CAMKMT: variants seen among roughly 807,000 people sequenced by gnomAD.
CAMKMT encodes the protein CaM KMT.
In CAMKMT, 53 loss-of-function variants were observed where a neutral mutation model predicts 48.0. The ratio of observed to expected loss-of-function variants is 1.10; its 90% CI spans 0.89 to 1.39. CAMKMT has a LOEUF of 1.39. Among genes scored for constraint, CAMKMT ranks in the 40% most tolerant of loss-of-function variants. CAMKMT has a pLI of 0.00. For missense variants in CAMKMT, 428 were observed against 402.7 expected, an observed-to-expected ratio of 1.06 and a Z score of -0.54; for synonymous variants, 165 against 152.3, an observed-to-expected ratio of 1.08 and a Z score of -0.61.
intron 3 of CAMKMT, among the ~76,000 whole-genome samples, chr2:44,552,380 T>C (rs1300529571): frequency 2.6e-5 from 4 of 152,118 alleles, no homozygotes; most frequent in Non-Finnish European, 5.9e-5. Flanking sequence ...AACCAATTCA[T>C]TTACCTATCT....
chr2:44,714,548 C>T (rs1179598832), intron 6 of CAMKMT, among the ~76,000 whole-genome samples: 1 of 152,176 alleles, frequency 6.6e-6, no homozygotes, highest in Admixed American at 6.5e-5. Context: ...TCATCTTTTT[C>T]TTCTCACTTC....
At chr2:44,604,616 C>T (rs1671183833) in intron 3 of CAMKMT, among the ~76,000 whole-genome samples, 1 of 148,444 alleles carries the variant, frequency 6.7e-6, no homozygotes, top group Non-Finnish European at 1.5e-5. Flanking sequence ...ACCCTAAATA[C>T]ACATAGTAAA....
At chr2:44,454,471 C>T (rs1288974249) in intron 3 of CAMKMT, among the ~76,000 whole-genome samples, 1 of 152,042 alleles carries the variant, frequency 6.6e-6, no homozygotes, top group Non-Finnish European at 1.5e-5. Flanking sequence ...AGAAATCCCC[C>T]TCTAAATGCA....
At chr2:44,535,565 G>C (rs1450267461) in intron 3 of CAMKMT, among the ~76,000 whole-genome samples, 7 of 152,108 alleles carry the variant, frequency 4.6e-5, no homozygotes, top group Admixed American at 3.3e-4. Context: ...TTAAAACAGG[G>C]ATGCAAAGAT....
intron 3 of CAMKMT, among the ~76,000 whole-genome samples, chr2:44,659,075 G>GTTTTTTTT (rs1192483405): frequency 1.2e-5 from 1 of 86,346 alleles, no homozygotes; most frequent in Non-Finnish European, 2.3e-5. Context: ...TGTGTGTGTA[G>GTTTTTTTT]TTTTTTTTTT....
intron 9 of CAMKMT, among the ~76,000 whole-genome samples, chr2:44,765,440 T>C (rs1680797040): frequency 1.3e-5 from 2 of 152,012 alleles, no homozygotes; most frequent in Non-Finnish European, 2.9e-5. Flanking sequence ...TATATTTTCA[T>C]GATTCCCTCA....
intron 8 of CAMKMT, among the ~76,000 whole-genome samples, chr2:44,751,272 G>A (rs765100976): frequency 4.6e-5 from 7 of 152,108 alleles, no homozygotes; most frequent in East Asian, 1.9e-4. Context: ...GCTCTCTTCC[G>A]TACATTATTT....
At chr2:44,548,317 C>T (rs969337882) in intron 3 of CAMKMT, among the ~76,000 whole-genome samples, 7 of 152,112 alleles carry the variant, frequency 4.6e-5, no homozygotes, top group African/African-American at 1.2e-4. Context: ...GCCTTAAAAG[C>T]TCTGGCATTG....
rs56212783 is a variant in CAMKMT at position 44,577,680 on chromosome 2, A to AGAGAGGGAGAGGGAGAGGGAGACG, written c.377-126587_377-126586insGGGAGACGGAGAGGGAGAGGGAGA. ...GAGAGAGGGAGAGGGAGAGGGAGAC[A>AGAGAGGGAGAGGGAGAGGGAGACG]GAGAGGGAGAGGGAGACGGAGAGGG... On this transcript the variant is annotated intron_variant, in intron 3 of 10. Transcript: ENST00000378494. Among the ~76,000 whole-genome samples, 4 of 148,658 alleles carry AGAGAGGGAGAGGGAGAGGGAGACG rather than the reference A, an allele frequency of 2.7e-5. 1 individual carries two copies. The highest frequency in any genetic ancestry group is 1.3e-4 in the Admixed American group (2 of 14,956).
At chr2:44,417,465 A>G (rs1007206807) in intron 3 of CAMKMT, among the ~76,000 whole-genome samples, 13 of 152,224 alleles carry the variant, frequency 8.5e-5, no homozygotes, top group Admixed American at 8.5e-4. Flanking sequence ...ATTGATAGAC[A>G]TTCAGGTTGT....
intron 3 of CAMKMT, among the ~76,000 whole-genome samples, chr2:44,587,566 A>C (rs1669933393): frequency 7.3e-6 from 1 of 137,600 alleles, no homozygotes; most frequent in Non-Finnish European, 1.6e-5. Context: ...GGCTCACTGC[A>C]ACCTCCCTGC....
At chr2:44,593,520 A>G (rs72882924) in intron 3 of CAMKMT, among the ~76,000 whole-genome samples, 3,006 of 152,238 alleles carry the variant, frequency 0.02, 82 homozygotes, top group African/African-American at 0.063. Flanking sequence ...CCCTGTCCCA[A>G]TGCCACAGCC....
At chr2:44,403,982 T>C (rs138064564) in intron 3 of CAMKMT, among the ~76,000 whole-genome samples, 8 of 152,326 alleles carry the variant, frequency 5.3e-5, no homozygotes, top group Non-Finnish European at 1.2e-4. Flanking sequence ...TCCTAAGCTA[T>C]AGTTTATTGG....
At chr2:44,486,506 A>C (rs145005777) in intron 3 of CAMKMT, among the ~76,000 whole-genome samples, 3 of 152,312 alleles carry the variant, frequency 2.0e-5, no homozygotes, top group Non-Finnish European at 4.4e-5. Flanking sequence ...GTGGTTCACG[A>C]GATAAATATT....
At chr2:44,729,501 G>A (rs1433393509) in intron 7 of CAMKMT, among the ~76,000 whole-genome samples, 1 of 152,214 alleles carries the variant, frequency 6.6e-6, no homozygotes, top group African/African-American at 2.4e-5. Flanking sequence ...AGCATTTCAA[G>A]GAGAGTGTGG....
chr2:44,702,134 T>C (rs1293303899), intron 3 of CAMKMT, among the ~76,000 whole-genome samples: 1 of 152,250 alleles, frequency 6.6e-6, no homozygotes. Flanking sequence ...CTATCATTTT[T>C]TTAAAACCTC....
At chr2:44,570,950 T>C (rs962635602) in intron 3 of CAMKMT, among the ~76,000 whole-genome samples, 1 of 152,176 alleles carries the variant, frequency 6.6e-6, no homozygotes, top group South Asian at 2.1e-4. Context: ...CAGGCACTTA[T>C]TGATACCAAA....
At chr2:44,748,407 T>C (rs1028271928) in intron 8 of CAMKMT, among the ~76,000 whole-genome samples, 11 of 152,180 alleles carry the variant, frequency 7.2e-5, no homozygotes, top group African/African-American at 1.4e-4. Flanking sequence ...ATTTTTTTTT[T>C]CTAACGATCT....
intron 5 of CAMKMT, among the ~76,000 whole-genome samples, chr2:44,706,749 G>T (rs930395347): frequency 2.6e-5 from 4 of 151,774 alleles, no homozygotes; most frequent in African/African-American, 9.7e-5. Context: ...GATCCAGAGC[G>T]CTCAGTAATT....
Sources: gnomAD v4.1 joint callset for allele counts (sites outside exome capture counted in the v4.1 genomes callset) on GRCh38, gnomAD v4.1.1 for gene constraint, MANE v1.5 for transcripts, NCBI Gene and HGNC (gene_info 2026-07-23, HGNC 2026-07-21) for gene names.